Variants in CDH12 observed in about 807,000 individuals in gnomAD.
The protein encoded by CDH12 is cadherin 12.
Under a neutral mutation model 74.1 loss-of-function variants are expected in CDH12, and 41 were observed. That is an observed-to-expected ratio of 0.55 (90% CI 0.43 to 0.72). CDH12 has a LOEUF of 0.72. CDH12 is among the 30% of genes least tolerant of loss of function. The pLI is 0.00. For synonymous variants in CDH12, 399 were observed against 355.0 expected (o/e 1.12, Z -1.39); for missense variants, 945 against 977.2 (o/e 0.97, Z 0.44).
chr5:22,781,183 G>A (rs1005868818), intron 1 of CDH12, among the ~76,000 whole-genome samples: 13 of 152,148 alleles, frequency 8.5e-5, no homozygotes, highest in Non-Finnish European at 1.9e-4. Flanking sequence ...TATTCAAAGT[G>A]CTGCACTCAA....
intron 3 of CDH12, among the ~76,000 whole-genome samples, chr5:22,220,298 CATT>C (rs1751967876): frequency 6.6e-6 from 1 of 151,542 alleles, no homozygotes; most frequent in Non-Finnish European, 1.5e-5. Context: ...TGCATTGCAT[CATT>C]ATTTATAATA....
intron 4 of CDH12, among the ~76,000 whole-genome samples, chr5:22,194,375 A>G (rs1383618940): frequency 7.0e-6 from 1 of 143,526 alleles, no homozygotes; most frequent in Non-Finnish European, 1.5e-5. Context: ...TCTGTCTCCC[A>G]GGCTAGAGTT....
chr5:22,056,477 T>C (rs1256126399), intron 5 of CDH12, among the ~76,000 whole-genome samples: 4 of 152,170 alleles, frequency 2.6e-5, no homozygotes, highest in African/African-American at 9.7e-5. Context: ...GCTTGGAACA[T>C]GAGCATACTT....
intron 4 of CDH12, among the ~76,000 whole-genome samples, chr5:22,117,966 G>A (rs1357832272): frequency 6.6e-6 from 1 of 152,050 alleles, no homozygotes; most frequent in Non-Finnish European, 1.5e-5. Flanking sequence ...AAAGTGGCTA[G>A]AAATCTAAAT....
At chr5:22,652,156 G>A (rs949144675) in intron 1 of CDH12, among the ~76,000 whole-genome samples, 2 of 152,064 alleles carry the variant, frequency 1.3e-5, no homozygotes, top group Admixed American at 6.6e-5. Flanking sequence ...GACATTTTGG[G>A]TCAAGAGGGT....
chr5:22,183,335 T>C (rs568333122), intron 4 of CDH12, among the ~76,000 whole-genome samples: 82 of 152,304 alleles, frequency 5.4e-4, no homozygotes, highest in Non-Finnish European at 1.0e-3. Context: ...TCTGTTGTTA[T>C]TGGAGCTAGA....
intron 5 of CDH12, among the ~76,000 whole-genome samples, chr5:22,070,159 C>A (rs888503911): frequency 2.6e-5 from 4 of 152,080 alleles, no homozygotes; most frequent in African/African-American, 9.7e-5. Flanking sequence ...GACTTGATAT[C>A]ATGGTATTTA....
At chr5:22,249,746 G>T (rs1471687480) in intron 3 of CDH12, among the ~76,000 whole-genome samples, 1 of 152,130 alleles carries the variant, frequency 6.6e-6, no homozygotes, top group Non-Finnish European at 1.5e-5. Flanking sequence ...GGAAATTACT[G>T]TTCGTTACTA....
chr5:22,751,461 T>C (rs1234043466), intron 1 of CDH12, among the ~76,000 whole-genome samples: 1 of 151,668 alleles, frequency 6.6e-6, no homozygotes, highest in Non-Finnish European at 1.5e-5. Context: ...ATTTCCATGA[T>C]AATTTTTTAT....
chr5:22,315,119 C>CTTTTTTTTGTTTTTTTTTT (rs1738570805), intron 3 of CDH12, among the ~76,000 whole-genome samples: 1 of 22,994 alleles, frequency 4.3e-5, no homozygotes, highest in Non-Finnish European at 6.9e-5. Flanking sequence ...GCCTGCCTGG[C>CTTTTTTTTGTTTTTTTTTT]TTTTTTTTTT....
chr5:22,062,902 C>T (rs1482439011), intron 5 of CDH12, among the ~76,000 whole-genome samples: 1 of 152,116 alleles, frequency 6.6e-6, no homozygotes, highest in Non-Finnish European at 1.5e-5. Context: ...ATATTGAAAG[C>T]TCACACTTTC....
At chr5:22,140,768 G>T (rs1200624345) in intron 4 of CDH12, among the ~76,000 whole-genome samples, 1 of 152,052 alleles carries the variant, frequency 6.6e-6, no homozygotes, top group African/African-American at 2.4e-5. Context: ...GGACACACAG[G>T]TCACCAAGGA....
intron 1 of CDH12, among the ~76,000 whole-genome samples, chr5:22,536,854 G>C (rs1737869960): frequency 6.6e-6 from 1 of 152,118 alleles, no homozygotes; most frequent in South Asian, 2.1e-4. Context: ...CCACTTGACT[G>C]CACAAAAACT....
chr5:22,829,974 A>T (rs1736514402), intron 1 of CDH12, among the ~76,000 whole-genome samples: 1 of 152,212 alleles, frequency 6.6e-6, no homozygotes, highest in Admixed American at 6.5e-5. Flanking sequence ...TTATGTCAGC[A>T]TAAAACATAT....
chr5:22,576,539 T>C (rs1739796916), intron 1 of CDH12, among the ~76,000 whole-genome samples: 1 of 152,214 alleles, frequency 6.6e-6, no homozygotes, highest in Non-Finnish European at 1.5e-5. Context: ...ACAGTTATGT[T>C]CCGTAGAGTT....
At chr5:22,192,627 C>T (rs1056258598) in intron 4 of CDH12, among the ~76,000 whole-genome samples, 1 of 151,514 alleles carries the variant, frequency 6.6e-6, no homozygotes, top group Non-Finnish European at 1.5e-5. Flanking sequence ...ATGCATGTGC[C>T]TACAAATTAT....
intron 1 of CDH12, among the ~76,000 whole-genome samples, chr5:22,653,702 T>C (rs1739860631): frequency 6.6e-6 from 1 of 152,300 alleles, no homozygotes; most frequent in South Asian, 2.1e-4. Flanking sequence ...AAATTAGATC[T>C]TGTCAGAAGC....
intron 1 of CDH12, among the ~76,000 whole-genome samples, chr5:22,718,694 C>T (rs79587639): frequency 0.07 from 10,696 of 152,158 alleles, 486 homozygotes; most frequent in Non-Finnish European, 0.099. Context: ...AAGTATTGGT[C>T]TGAATCTCCA....
intron 3 of CDH12, among the ~76,000 whole-genome samples, chr5:22,385,248 CTACA>C (rs1170272584): frequency 1.3e-5 from 2 of 151,966 alleles, no homozygotes; most frequent in East Asian, 3.9e-4. Flanking sequence ...TTTTTTATTT[CTACA>C]TACAGATTGG....
Sources: allele counts gnomAD v4.1 joint callset (sites outside exome capture counted in the v4.1 genomes callset), GRCh38; gene constraint gnomAD v4.1.1; transcripts MANE v1.5; gene names NCBI Gene and HGNC (gene_info 2026-07-23, HGNC 2026-07-21).